Variants in USO1 observed in about 807,000 individuals in gnomAD.
The protein encoded by USO1 is general vesicular transport factor p115.
In USO1, 57 loss-of-function variants were observed where a neutral mutation model predicts 124.5. That is an observed-to-expected ratio of 0.46 (90% CI 0.37 to 0.57). USO1 has a LOEUF of 0.57. USO1 is among the 20% of genes least tolerant of loss of function. USO1 has a pLI of 0.00. For missense variants in USO1, 900 were observed against 1,040.6 expected, an observed-to-expected ratio of 0.86 and a Z score of 1.86; for synonymous variants, 369 against 362.8, an observed-to-expected ratio of 1.02 and a Z score of -0.19.
intron 21 of USO1, 59 bp downstream of exon 21, chr4:75,809,110 C>G: frequency 6.7e-7 from 1 of 1,501,978 alleles, no homozygotes; most frequent in Non-Finnish European, 8.9e-7. Flanking sequence ...TGTATTATTT[C>G]TTAGCCACAA....
At chr4:75,762,532 T>TA (rs1165587508) in intron 4 of USO1, among the ~76,000 whole-genome samples, 2 of 152,148 alleles carry the variant, frequency 1.3e-5, no homozygotes, top group Non-Finnish European at 2.9e-5. Context: ...TTTAATTCAA[T>TA]AAATTGTGGC....
chr4:75,753,172 A>G (rs1721337348), intron 3 of USO1, among the ~76,000 whole-genome samples: 1 of 151,990 alleles, frequency 6.6e-6, no homozygotes, highest in Admixed American at 6.6e-5. Context: ...TAATTCCAGC[A>G]CCTTGGAAGG....
At chr4:75,738,951 C>G (rs1344035496) in intron 1 of USO1, among the ~76,000 whole-genome samples, 1 of 152,070 alleles carries the variant, frequency 6.6e-6, no homozygotes, top group Non-Finnish European at 1.5e-5. Context: ...TTCCCGGGTT[C>G]AAGCGATTCT....
At chr4:75,748,489 A>G (rs906766351) in intron 1 of USO1, among the ~76,000 whole-genome samples, 8 of 152,274 alleles carry the variant, frequency 5.3e-5, no homozygotes, top group Admixed American at 5.2e-4. Flanking sequence ...GCGCCTGGCC[A>G]TCCTCCAGTA....
intron 20 of USO1, among the ~76,000 whole-genome samples, chr4:75,808,119 G>C (rs1041584965): frequency 6.6e-6 from 1 of 152,116 alleles, no homozygotes; most frequent in Admixed American, 6.5e-5. Context: ...GGGATGGGGG[G>C]ATATGGGGAG....
In USO1 at chr4:75,812,322, C is replaced by G; in HGVS notation, c.2746C>G (p.Gln916Glu). ...QDDLLVLLAD[Q>E]DQKILSLKNK... is the part of the protein sequence containing the mutation. ...TGATCTCTTGGTGCTCTTGGCCGAT[C>G]AAGATCAGAAAATACTGTCATTGAA... Residue 916 changes from glutamine to glutamate, a missense_variant, in exon 23 of 24, where the codon CAA (glutamine) becomes GAA (glutamate). By Grantham distance (29) the Gln-to-Glu change is conservative (BLOSUM62 2). Around this residue, in one of 2 missense-constraint regions of USO1, gnomAD observed 362 missense variants for 359.0 expected, o/e 1.01. Coordinates refer to ENST00000514213, the MANE Select transcript of USO1 (RefSeq NM_003715.4). 6.2e-7 allele frequency: 1 copy of G among 1,604,498 alleles called. No individual in the cohort carries two copies. The highest frequency in any genetic ancestry group is 2.2e-5 in the East Asian group (1 of 44,694).
At chr4:75,733,680 C>T (rs1395798890) in intron 1 of USO1, among the ~76,000 whole-genome samples, 2 of 151,988 alleles carry the variant, frequency 1.3e-5, no homozygotes, top group South Asian at 2.1e-4. Context: ...TTGGTTTTTG[C>T]CTGTTGAATT....
At chr4:75,744,072 C>T (rs1428454288) in intron 1 of USO1, among the ~76,000 whole-genome samples, 2 of 151,940 alleles carry the variant, frequency 1.3e-5, no homozygotes, top group Non-Finnish European at 2.9e-5. Flanking sequence ...CACTGTGCCT[C>T]GCCCCTGTTT....
intron 1 of USO1, among the ~76,000 whole-genome samples, chr4:75,749,522 C>G (rs556566946): frequency 6.7e-6 from 1 of 149,688 alleles, no homozygotes; most frequent in African/African-American, 2.5e-5. Flanking sequence ...CTGCCTTAGC[C>G]TGCTGAGTAG....
chr4:75,761,128 G>A (rs959333082), intron 4 of USO1, among the ~76,000 whole-genome samples: 8 of 151,928 alleles, frequency 5.3e-5, no homozygotes, highest in African/African-American at 7.3e-5. Context: ...CAGCCTGGGC[G>A]ACAGAGTGAG....
intron 13 of USO1, among the ~76,000 whole-genome samples, chr4:75,796,413 G>A (rs1185283286): frequency 2.0e-5 from 3 of 146,650 alleles, no homozygotes; most frequent in Non-Finnish European, 1.5e-5. Context: ...TTGGCTCACC[G>A]CAACCTCTGC....
intron 11 of USO1, 21 bp from the exon 12 acceptor site, chr4:75,790,622 T>C: frequency 6.3e-7 from 1 of 1,588,694 alleles, no homozygotes; most frequent in Non-Finnish European, 8.5e-7. Flanking sequence ...CATTTTGTTC[T>C]TTTCTTTTTA....
intron 8 of USO1, among the ~76,000 whole-genome samples, chr4:75,776,976 C>G (rs1476161000): frequency 6.6e-6 from 1 of 152,112 alleles, no homozygotes; most frequent in Non-Finnish European, 1.5e-5. Context: ...TATGGGTATG[C>G]TGATTAAAGT....
intron 1 of USO1, among the ~76,000 whole-genome samples, chr4:75,742,062 C>T (rs1218803494): frequency 6.6e-6 from 1 of 152,138 alleles, no homozygotes; most frequent in Non-Finnish European, 1.5e-5. Flanking sequence ...ATGCCTTCTT[C>T]TGGAATACTT....
At chr4:75,781,760 TA>T (rs11361627) in intron 8 of USO1, among the ~76,000 whole-genome samples, 79,897 of 151,376 alleles carry the variant, frequency 0.53, 23,025 homozygotes, top group East Asian at 0.81. Context: ...GATGTCTTTT[TA>T]AAAAAAAAAT....
chr4:75,754,042 C>T (rs1028420687), intron 3 of USO1, among the ~76,000 whole-genome samples: 1 of 150,996 alleles, frequency 6.6e-6, no homozygotes, highest in African/African-American at 2.4e-5. Context: ...CTGCCTTGGC[C>T]TCCCAAAGTG....
Position 75,782,695 on chromosome 4 carries a change from A to G in USO1, c.692A>G (p.Asp231Gly). ...ATTTCCCCAGGTATAGTAGTTGAAG[A>G]TTGTTTGATTTTGCTCCAAAACTTA... ...GNSDGGIVVE[D>G]CLILLQNLLK... The change falls in exon 9 of 24, where the codon GAT becomes GGT. Residue 231 changes from aspartate (D) to glycine (G), a missense_variant. This residue lies in a region of USO1 where 538 missense variants were observed against 681.6 expected (regional missense o/e 0.79). Coordinates refer to ENST00000514213, the MANE Select transcript of USO1 (RefSeq NM_003715.4). The G allele has an allele frequency of 6.4e-7, 1 of 1,564,948 alleles. No individual in the cohort carries two copies. The highest frequency in any genetic ancestry group is 8.7e-7 in the Non-Finnish European group (1 of 1,154,554).
chr4:75,744,956 C>G (rs879021097), intron 1 of USO1: 1 of 493,644 alleles, frequency 2.0e-6, no homozygotes, highest in Admixed American at 2.2e-5. Flanking sequence ...AGTGACTGTT[C>G]CAGATGTCTT....
At chr4:75,794,751 C>A (rs1339148926) in intron 13 of USO1, among the ~76,000 whole-genome samples, 1 of 152,088 alleles carries the variant, frequency 6.6e-6, no homozygotes, top group African/African-American at 2.4e-5. Flanking sequence ...TTGAATTTTT[C>A]CTTATTTTGA....
Sources: gnomAD v4.1 joint callset for allele counts (sites outside exome capture counted in the v4.1 genomes callset) on GRCh38, gnomAD v4.1.1 for gene constraint, gnomAD v4.1.1 regional missense constraint, MANE v1.5 for transcripts, NCBI Gene and HGNC (gene_info 2026-07-23, HGNC 2026-07-21) for gene names.